Variants in NIPSNAP2 observed in about 807,000 individuals in gnomAD.
NIPSNAP2 encodes protein NipSnap homolog 2.
Under a neutral mutation model 48.4 loss-of-function variants are expected in NIPSNAP2, and 42 were observed. The ratio of observed to expected loss-of-function variants is 0.87; its 90% CI spans 0.68 to 1.12. The LOEUF is 1.12. Among genes scored for constraint, NIPSNAP2 ranks in the 50% most tolerant of loss-of-function variants. The pLI, the probability that NIPSNAP2 is intolerant of heterozygous loss-of-function variation, is 0.00. For synonymous variants in NIPSNAP2, 158 were observed against 126.6 expected (o/e 1.25, Z -1.67); for missense variants, 314 against 347.3 (o/e 0.90, Z 0.76).
chr7:55,998,991 C>A lies in NIPSNAP2; in HGVS notation c.797-17C>A, dbSNP rs760074071. 6.2e-6 allele frequency: 10 copies of A among 1,608,110 alleles called. No individual in the cohort carries two copies. Among genetic ancestry groups the A allele is most frequent in the Non-Finnish European group, 7.7e-6 (9 of 1,174,662 alleles). ...TTTAGAAAGTAACAAGTGCAGTAAC[C>A]CTGATCTTGTTTTCAGTTCCACTTA... is the stretch of plus-strand genomic sequence containing the variant. On this transcript the variant is annotated splice_polypyrimidine_tract_variant and intron_variant, in intron 9 of 9. Coordinates refer to ENST00000322090, the MANE Select transcript of NIPSNAP2 (RefSeq NM_001483.3).
chr7:55,972,434 CTT>C (rs562085477), intron 1 of NIPSNAP2, among the ~76,000 whole-genome samples: 27 of 136,580 alleles, frequency 2.0e-4, no homozygotes, highest in Admixed American at 3.7e-4. Flanking sequence ...TTTTCTTTTT[CTT>C]TTTTTTTTTT....
chr7:55,995,962 G>A (rs1217155058), intron 8 of NIPSNAP2, among the ~76,000 whole-genome samples: 1 of 152,122 alleles, frequency 6.6e-6, no homozygotes, highest in Non-Finnish European at 1.5e-5. Context: ...TGGGCAAATA[G>A]AGCAAGACCC....
chr7:55,980,764 G>C (rs1371827249), intron 3 of NIPSNAP2: 2 of 152,218 alleles, frequency 1.3e-5, no homozygotes, highest in Non-Finnish European at 2.9e-5. Context: ...GGAATGAATT[G>C]GTTGGTGTGT....
chr7:55,984,735 A>AT, intron 6 of NIPSNAP2, 112 bp from the exon 7 acceptor site: 10 of 732,592 alleles, frequency 1.4e-5, no homozygotes, highest in Non-Finnish European at 2.0e-5. Context: ...AAAAAAAAAA[A>AT]GGTTTTTTGA....
chr7:55,966,831 C>T (rs371062528), intron 1 of NIPSNAP2, among the ~76,000 whole-genome samples: 5 of 151,964 alleles, frequency 3.3e-5, no homozygotes, highest in Non-Finnish European at 7.4e-5. Context: ...TTGCTTGAGG[C>T]GAGAGTGTGG....
intron 9 of NIPSNAP2, 124 bp downstream of exon 9, chr7:55,997,573 TG>T: frequency 1.4e-6 from 1 of 693,650 alleles, no homozygotes. Flanking sequence ...TATCAGGTTG[TG>T]GGGGGAAGGG....
intron 7 of NIPSNAP2, among the ~76,000 whole-genome samples, chr7:55,990,547 G>A (rs1562768106): frequency 1.3e-5 from 2 of 151,856 alleles, no homozygotes; most frequent in African/African-American, 4.8e-5. Context: ...TTGTTTTTAG[G>A]GGGAGATGTG....
intron 1 of NIPSNAP2, among the ~76,000 whole-genome samples, chr7:55,968,821 C>T (rs967459421): frequency 6.6e-6 from 1 of 152,038 alleles, no homozygotes; most frequent in Non-Finnish European, 1.5e-5. Flanking sequence ...AGGCCAGAAG[C>T]TCAAGACCAG....
In NIPSNAP2 at chr7:55,983,218, T is replaced by G. The variant is rs188478729; in HGVS notation, c.445-510T>G. On this transcript the variant is annotated intron_variant, in intron 5 of 9. Coordinates refer to ENST00000322090, the MANE Select transcript of NIPSNAP2 (RefSeq NM_001483.3). ...TAGCTCTGGATGACCTAAAACTGTC[T>G]AATTCAGGAACTGTTTGTCACACAC... 9.2e-5 allele frequency among the ~76,000 whole-genome samples: 14 copies of G among 152,330 alleles called. No homozygotes were observed. The East Asian group carries it at 2.7e-3, about 29-fold the overall frequency.
At chr7:55,978,886 C>T (rs1787156916) in intron 3 of NIPSNAP2, 1 of 153,576 alleles carries the variant, frequency 6.5e-6, no homozygotes, top group Non-Finnish European at 1.4e-5. Flanking sequence ...GGATCCAAGT[C>T]CCTTCCGCTG....
chr7:55,997,305 G>A lies in NIPSNAP2; in HGVS notation c.713-61G>A, dbSNP rs1286396183. ...CAGGTGAAGCAAGACTTTAACGGATGTATGGGTGGAATGCAGTGTATGTGT... is the reference window on the plus strand; with the variant it reads ...CAGGTGAAGCAAGACTTTAACGGATATATGGGTGGAATGCAGTGTATGTGT... On this transcript the variant is annotated intron_variant, in intron 8 of 9. Coordinates refer to ENST00000322090, the MANE Select transcript of NIPSNAP2 (RefSeq NM_001483.3). 6 of 1,189,738 alleles carry A rather than the reference G, an allele frequency of 5.0e-6. No individual in the cohort carries two copies. The Admixed American group carries it at 8.4e-5, about 17-fold the overall frequency. 73.7% of individuals were successfully genotyped at this position (1,189,738 alleles called of 1,614,324 possible). A position where few individuals can be genotyped will look rare whatever the true frequency, so the allele number is the denominator to read the frequency against.
At chr7:55,985,017 T>C in intron 7 of NIPSNAP2, 139 bp downstream of exon 7, 2 of 629,388 alleles carry the variant, frequency 3.2e-6, no homozygotes, top group Non-Finnish European at 5.4e-6. Flanking sequence ...ATGTTTTTAT[T>C]ATGAGATTTT....
chr7:55,992,623 C>T (rs1307317906), intron 7 of NIPSNAP2, among the ~76,000 whole-genome samples: 2 of 152,204 alleles, frequency 1.3e-5, no homozygotes, highest in African/African-American at 4.8e-5. Flanking sequence ...ACTCAAGCAT[C>T]TTGTGCCTTG....
chr7:55,995,460 C>G (rs1158243947), intron 8 of NIPSNAP2, among the ~76,000 whole-genome samples: 1 of 152,168 alleles, frequency 6.6e-6, no homozygotes, highest in Non-Finnish European at 1.5e-5. Context: ...TTGTTTGGCA[C>G]CATCTTTGGT....
intron 1 of NIPSNAP2, among the ~76,000 whole-genome samples, chr7:55,975,913 T>C (rs13231257): frequency 0.36 from 55,076 of 152,036 alleles, 10,494 homozygotes; most frequent in Non-Finnish European, 0.43. Flanking sequence ...TGGCACACCA[T>C]GTAGTCCCAG....
At chr7:55,976,720 T>C (rs1166187401) in intron 1 of NIPSNAP2, among the ~76,000 whole-genome samples, 1 of 152,098 alleles carries the variant, frequency 6.6e-6, no homozygotes, top group Non-Finnish European at 1.5e-5. Flanking sequence ...ACCCCATCTC[T>C]ACAAAAAATT....
chr7:55,995,036 C>G (rs754120576), intron 8 of NIPSNAP2, 48 bp downstream of exon 8: 3 of 1,449,450 alleles, frequency 2.1e-6, no homozygotes, highest in African/African-American at 2.8e-5. Flanking sequence ...GAGTTCATTA[C>G]TAAGTTGTAC....
At position 55,973,539 on chromosome 7, in the gene NIPSNAP2, G is replaced by A. The variant is rs548512889; in HGVS notation, c.93-4587G>A. Among the ~76,000 whole-genome samples the A allele has an allele frequency of 3.6e-4, 54 of 151,924 alleles. 1 individual carries two copies. Among genetic ancestry groups the A allele is most frequent in the African/African-American group, 1.3e-3 (53 of 41,472 alleles). ...AGCCCAGGCTGGAGTGCAGTGGCAC[G>A]ACTTGGCTCACTGCAATCTCCACCT... On this transcript the variant is annotated intron_variant, in intron 1 of 9. Transcript: ENST00000322090.
chr7:55,997,373 G>A lies in NIPSNAP2; in HGVS notation c.720G>A (p.Arg240=). 6.2e-7 allele frequency: 1 copy of A among 1,612,934 alleles called. No individual in the cohort carries two copies. The highest frequency in any genetic ancestry group is 8.5e-7 in the Non-Finnish European group (1 of 1,179,076). Residue 240 remains arginine, a synonymous_variant, in exon 9 of 10, where the codon AGG becomes AGA. Coordinates refer to ENST00000322090, the MANE Select transcript of NIPSNAP2 (RefSeq NM_001483.3). ...TGTGTGGTTATTTTTAAGCTTACAG[G>A]GATCTTCAGACCAGGGAAGACATAC... is the stretch of plus-strand genomic sequence containing the variant. ...LYMVHHLWAY[R]DLQTREDIRN... is the part of the protein sequence containing the mutation.
Sources: allele counts gnomAD v4.1 joint callset (sites outside exome capture counted in the v4.1 genomes callset), GRCh38; gene constraint gnomAD v4.1.1; transcripts MANE v1.5; gene names NCBI Gene and HGNC (gene_info 2026-07-23, HGNC 2026-07-21).